Variants in TOX3 observed in about 807,000 individuals in gnomAD.
TOX3 encodes the protein TOX high mobility group box family member 3, also known as CAG trinucleotide repeat-containing gene F9 protein.
TOX3 carries 22 observed loss-of-function variants against 64.3 expected under a neutral mutation model. That is an observed-to-expected ratio of 0.34 (90% CI 0.24 to 0.49). TOX3 has a LOEUF of 0.49. TOX3 is among the 20% of genes least tolerant of loss of function. The probability of loss-of-function intolerance (pLI) is 0.99; values close to 1 mark genes in which losing one functional copy is unlikely to be tolerated. For missense variants in TOX3, 661 were observed against 714.4 expected (o/e 0.93, Z 0.85); for synonymous variants, 291 against 273.6 (o/e 1.06, Z -0.63).
At chr16:52,464,526 C>T (rs1960796176) in intron 2 of TOX3, among the ~76,000 whole-genome samples, 1 of 152,122 alleles carries the variant, frequency 6.6e-6, no homozygotes, top group Admixed American at 6.5e-5. Context: ...CAGCTCAAAC[C>T]GCTGACACTA....
chr16:52,512,411 C>G (rs547610090), intron 1 of TOX3, among the ~76,000 whole-genome samples: 3 of 152,308 alleles, frequency 2.0e-5, no homozygotes, highest in Non-Finnish European at 2.9e-5. Context: ...GATAATCCAA[C>G]CAACATGAAC....
intron 1 of TOX3, among the ~76,000 whole-genome samples, chr16:52,512,245 A>AT (rs1962331960): frequency 6.6e-6 from 1 of 152,206 alleles, no homozygotes; most frequent in South Asian, 2.1e-4. Context: ...AATCAAAGGG[A>AT]TTTTGTTTTA....
rs545372118 is a variant in TOX3 at position 52,518,272 on chromosome 16, A to G, written c.87+28365T>C. ...TCTGGTAAAAGGCATATGTTATTAC[A>G]GTACACTGCACTCCCACAAGCTGCC... On this transcript the variant is annotated intron_variant, in intron 1 of 6. Coordinates refer to ENST00000219746, the MANE Select transcript of TOX3 (RefSeq NM_001080430.4). Among the ~76,000 whole-genome samples the G allele has an allele frequency of 4.6e-5, 7 of 152,356 alleles. No homozygotes were observed. In the South Asian group the frequency reaches 1.0e-3, roughly 23 times the overall value.
At position 52,436,465 on chromosome 16, in the gene TOX3, C is replaced by T. The variant is rs768610518; in HGVS notation, c.*2760G>A. The stretch of plus-strand genomic sequence containing the variant: ...TTCTGACCTGTAACAAAAGAAAAAG[C>T]GCACCAAGTACTTACTTAAGTCTCA... On this transcript the variant is annotated 3_prime_UTR_variant, in exon 7 of 7. Coordinates refer to ENST00000219746, the MANE Select transcript of TOX3 (RefSeq NM_001080430.4). Among the ~76,000 whole-genome samples the T allele has an allele frequency of 7.9e-5, 12 of 152,002 alleles. No homozygotes were observed. The highest frequency in any genetic ancestry group is 5.8e-4 in the East Asian group (3 of 5,186).
At chr16:52,486,182 T>C (rs896233102) in intron 1 of TOX3, among the ~76,000 whole-genome samples, 5 of 151,892 alleles carry the variant, frequency 3.3e-5, no homozygotes, top group Admixed American at 6.6e-5. Flanking sequence ...CCAAGGGAGA[T>C]GAGAAGAGGC....
At chr16:52,538,038 CTT>C (rs1221579279) in intron 1 of TOX3, among the ~76,000 whole-genome samples, 1 of 152,152 alleles carries the variant, frequency 6.6e-6, no homozygotes, top group Admixed American at 6.5e-5. Context: ...TGACTGAAGT[CTT>C]TTTCTCACTT....
intron 2 of TOX3, among the ~76,000 whole-genome samples, chr16:52,464,397 T>C (rs958385121): frequency 2.0e-5 from 3 of 152,092 alleles, no homozygotes; most frequent in Admixed American, 2.0e-4. Flanking sequence ...CATTATCATA[T>C]GGTTTTAATG....
At chr16:52,457,631 G>A (rs115595950) in intron 3 of TOX3, among the ~76,000 whole-genome samples, 63 of 152,200 alleles carry the variant, frequency 4.1e-4, no homozygotes, top group African/African-American at 1.5e-3. Context: ...AGGAAATGCA[G>A]GCCAGTAATT....
intron 1 of TOX3, among the ~76,000 whole-genome samples, chr16:52,473,764 A>G (rs1401797443): frequency 3.3e-5 from 5 of 151,680 alleles, no homozygotes; most frequent in African/African-American, 9.7e-5. Flanking sequence ...CTTTGTGACT[A>G]AAGACCATCT....
At chr16:52,530,189 T>C (rs894729161) in intron 1 of TOX3, among the ~76,000 whole-genome samples, 35 of 152,202 alleles carry the variant, frequency 2.3e-4, no homozygotes, top group African/African-American at 8.2e-4. Context: ...GTTGGCAACA[T>C]TTATCATCAG....
At chr16:52,456,446 A>T (rs1005018891) in intron 3 of TOX3, among the ~76,000 whole-genome samples, 1 of 152,158 alleles carries the variant, frequency 6.6e-6, no homozygotes, top group African/African-American at 2.4e-5. Context: ...CCTTCTATCT[A>T]TTGGCCTATA....
chr16:52,534,696 T>G (rs1596866753), intron 1 of TOX3, among the ~76,000 whole-genome samples: 1 of 152,160 alleles, frequency 6.6e-6, no homozygotes, highest in Middle Eastern at 3.4e-3. Flanking sequence ...GGGAACAAGA[T>G]TCTCAGTGGA....
At chr16:52,531,076 T>G (rs1017222359) in intron 1 of TOX3, among the ~76,000 whole-genome samples, 1 of 152,226 alleles carries the variant, frequency 6.6e-6, no homozygotes, top group African/African-American at 2.4e-5. Context: ...TATATTATTT[T>G]ACCCCACTGG....
intron 1 of TOX3, among the ~76,000 whole-genome samples, chr16:52,501,367 A>G (rs1961994805): frequency 6.6e-6 from 1 of 152,242 alleles, no homozygotes; most frequent in African/African-American, 2.4e-5. Context: ...ATAATTAAAA[A>G]TGATGAATAA....
intron 6 of TOX3, among the ~76,000 whole-genome samples, chr16:52,443,985 C>A (rs1156318520): frequency 1.3e-5 from 2 of 152,170 alleles, no homozygotes; most frequent in Non-Finnish European, 2.9e-5. Flanking sequence ...GTCCCAATCC[C>A]TGACCAGAAG....
chr16:52,471,456 A>T (rs1299290792), intron 1 of TOX3, among the ~76,000 whole-genome samples: 5 of 152,170 alleles, frequency 3.3e-5, no homozygotes, highest in Non-Finnish European at 7.3e-5. Context: ...CTTTAAGTGA[A>T]TTGTGTACAA....
At position 52,439,715 on chromosome 16, in the gene TOX3, G is replaced by A. The variant is rs1959890353; in HGVS notation, c.1241C>T (p.Pro414Leu). Residue 414 changes from proline (P) to leucine (L), a missense_variant, in exon 7 of 7, where the codon CCA (proline) becomes CTA (leucine). By Grantham distance (98) the Pro-to-Leu change is moderately conservative. Around this residue, in one of 3 missense-constraint regions of TOX3, gnomAD observed 299 missense variants for 292.1 expected, o/e 1.02. Coordinates refer to ENST00000219746, the MANE Select transcript of TOX3 (RefSeq NM_001080430.4). ...GGTCGTTCCCATGGAGCTTATCAGT[G>A]GAGCCCCAATGTTCGAGGGCATGTT... ...AANMPSNIGAPLISSMGTTMV... is the reference protein window; with the variant it reads ...AANMPSNIGALLISSMGTTMV... The A allele has an allele frequency of 6.2e-7, 1 of 1,613,910 alleles. No individual in the cohort carries two copies. Among genetic ancestry groups the A allele is most frequent in the South Asian group, 1.1e-5 (1 of 91,086 alleles).
chr16:52,459,233 C>A (rs1018915181), intron 3 of TOX3, among the ~76,000 whole-genome samples: 2 of 152,076 alleles, frequency 1.3e-5, no homozygotes, highest in African/African-American at 2.4e-5. Context: ...CGCTTGAACA[C>A]GGGAGTTCGA....
chr16:52,491,477 G>C (rs1961685504), intron 1 of TOX3, among the ~76,000 whole-genome samples: 1 of 152,132 alleles, frequency 6.6e-6, no homozygotes, highest in Non-Finnish European at 1.5e-5. Flanking sequence ...ATTTAGATTT[G>C]TCAGCAGAAA....
Sources: allele counts gnomAD v4.1 joint callset (sites outside exome capture counted in the v4.1 genomes callset), GRCh38; gene constraint gnomAD v4.1.1; regional missense constraint gnomAD v4.1.1; transcripts MANE v1.5; gene names NCBI Gene and HGNC (gene_info 2026-07-23, HGNC 2026-07-21).